The following TTC7A variants were observed in gnomAD, a reference collection of about 807,000 sequenced individuals.
TTC7A encodes the protein tetratricopeptide repeat domain 7A.
A neutral mutation model predicts 103.7 loss-of-function variants in TTC7A; 110 were observed. That is an observed-to-expected ratio of 1.06 (90% CI 0.91 to 1.24). The LOEUF (loss-of-function observed/expected upper bound fraction) is 1.24, where lower values mean the gene tolerates loss of function less well. TTC7A is among the 50% of genes most tolerant of loss of function. TTC7A has a pLI of 0.00. For missense variants in TTC7A, 1,340 were observed against 1,116.3 expected (o/e 1.20, Z -2.86); for synonymous variants, 521 against 467.9 (o/e 1.11, Z -1.47).
chr2:46,958,585 T>C, intron 3 of TTC7A: 1 of 1,293,700 alleles, frequency 7.7e-7, no homozygotes, highest in Non-Finnish European at 1.0e-6. Context: ...CGCGGGCTGC[T>C]TGGTCTCAGG....
intron 11 of TTC7A, among the ~76,000 whole-genome samples, chr2:47,019,648 G>A (rs1679065687): frequency 6.6e-6 from 1 of 152,130 alleles, no homozygotes; most frequent in Non-Finnish European, 1.5e-5. Flanking sequence ...TGATGTATAT[G>A]AACTGGAGAA....
chr2:47,026,588 G>A (rs1414420865), intron 14 of TTC7A, among the ~76,000 whole-genome samples: 1 of 152,196 alleles, frequency 6.6e-6, no homozygotes, highest in Non-Finnish European at 1.5e-5. Context: ...GGGATGGAAC[G>A]CTGACATGGA....
At chr2:47,004,213 G>T (rs977433186) in intron 8 of TTC7A, among the ~76,000 whole-genome samples, 6 of 152,216 alleles carry the variant, frequency 3.9e-5, no homozygotes, top group African/African-American at 1.4e-4. Context: ...TGGCAACAGG[G>T]CAGCCATCAG....
At chr2:47,014,131 A>G (rs564920396) in intron 11 of TTC7A, among the ~76,000 whole-genome samples, 3 of 152,200 alleles carry the variant, frequency 2.0e-5, no homozygotes, top group Non-Finnish European at 2.9e-5. Context: ...CGATGGACAC[A>G]TTCACTTGGC....
chr2:46,919,658 C>G (rs903747115), intron 2 of TTC7A, among the ~76,000 whole-genome samples: 6 of 152,210 alleles, frequency 3.9e-5, no homozygotes, highest in Non-Finnish European at 7.3e-5. Flanking sequence ...TAACAACAGT[C>G]TCTTGCTGTT....
intron 11 of TTC7A, among the ~76,000 whole-genome samples, chr2:47,018,198 AC>A (rs1373627506): frequency 2.6e-5 from 4 of 151,732 alleles, no homozygotes; most frequent in African/African-American, 9.7e-5. Flanking sequence ...AATCACTTGA[AC>A]CTGGGAGGCA....
In TTC7A at chr2:46,994,495, C is replaced by T; in HGVS notation, c.982C>T (p.His328Tyr). 1 of 1,614,024 alleles carries T rather than the reference C, an allele frequency of 6.2e-7. No homozygotes were observed. The highest frequency in any genetic ancestry group is 1.7e-4 in the Middle Eastern group (1 of 6,056). ...CGCCACTCAGGCCCTGCGGAAACCT[C>T]ACCTCTATGAAGGAGACAAGTAAGT... ...SFATQALRKP[H>Y]LYEGDNLYCP... Residue 328 changes from histidine (H) to tyrosine (Y), a missense_variant, in exon 7 of 20, where the codon CAC becomes TAC. Coordinates refer to ENST00000319190, the MANE Select transcript of TTC7A (RefSeq NM_020458.4).
At chr2:47,072,236 G>A (rs531874784) in intron 19 of TTC7A, among the ~76,000 whole-genome samples, 41 of 152,150 alleles carry the variant, frequency 2.7e-4, no homozygotes, top group Non-Finnish European at 4.7e-4. Flanking sequence ...GCTCCACCCC[G>A]CCTGCAGCCA....
intron 2 of TTC7A, among the ~76,000 whole-genome samples, chr2:46,953,400 T>A (rs566544917): frequency 3.3e-5 from 5 of 152,306 alleles, no homozygotes; most frequent in South Asian, 2.1e-4. Context: ...AGCAGTCCTG[T>A]CACCTGTGCC....
chr2:47,034,163 C>A (rs1203772099), intron 15 of TTC7A: 1 of 152,230 alleles, frequency 6.6e-6, no homozygotes, highest in African/African-American at 2.4e-5. Context: ...ATAAACCTCG[C>A]ACGGTGGGAA....
intron 2 of TTC7A, among the ~76,000 whole-genome samples, chr2:46,921,330 A>T (rs1278127030): frequency 6.6e-6 from 1 of 152,242 alleles, no homozygotes; most frequent in Non-Finnish European, 1.5e-5. Context: ...AGGATACATT[A>T]TACAATTAAT....
At chr2:47,008,912 A>G (rs1420854199) in intron 10 of TTC7A, among the ~76,000 whole-genome samples, 1 of 152,060 alleles carries the variant, frequency 6.6e-6, no homozygotes, top group Non-Finnish European at 1.5e-5. Context: ...ACAAAAAAAA[A>G]AAAAGCTGCT....
At chr2:47,042,074 G>T (rs909873397) in intron 15 of TTC7A, among the ~76,000 whole-genome samples, 1 of 152,144 alleles carries the variant, frequency 6.6e-6, no homozygotes, top group Non-Finnish European at 1.5e-5. Flanking sequence ...ACAAGTTATA[G>T]GAGGGTGACA....
intron 11 of TTC7A, among the ~76,000 whole-genome samples, chr2:47,020,364 A>G (rs575714287): frequency 1.4e-4 from 21 of 152,228 alleles, no homozygotes; most frequent in African/African-American, 4.8e-4. Context: ...GACAGATCTT[A>G]GCATCTATAG....
At chr2:47,033,275 T>C (rs1680759273) in intron 15 of TTC7A, among the ~76,000 whole-genome samples, 1 of 152,270 alleles carries the variant, frequency 6.6e-6, no homozygotes, top group African/African-American at 2.4e-5. Flanking sequence ...CCCTTTGTCC[T>C]GACCTCATCG....
chr2:46,963,079 C>G (rs1672530743), intron 3 of TTC7A, among the ~76,000 whole-genome samples: 1 of 152,228 alleles, frequency 6.6e-6, no homozygotes, highest in Admixed American at 6.5e-5. Context: ...CCACCCCTGG[C>G]TCTCTCGCAG....
At chr2:46,946,118 C>T (rs978105260) in intron 1 of TTC7A, among the ~76,000 whole-genome samples, 4 of 152,132 alleles carry the variant, frequency 2.6e-5, no homozygotes, top group Admixed American at 1.3e-4. Context: ...AAGGTGGGCA[C>T]TGAGGCCTTC....
At position 46,966,677 on chromosome 2, in the gene TTC7A, G is replaced by A. The variant is rs550330911; in HGVS notation, c.518-8296G>A. ...ATACATCACTTTTTTTTTTTTTTTG[G>A]TGGAGATGGGGTCTATGTTGCAAGG... On this transcript the variant is annotated intron_variant, in intron 3 of 19. Transcript: ENST00000319190. Among the ~76,000 whole-genome samples, 4 of 144,544 alleles carry A rather than the reference G, an allele frequency of 2.8e-5. 1 individual carries two copies. The South Asian group carries it at 8.7e-4, about 31-fold the overall frequency. 94.8% of individuals were successfully genotyped at this position (144,544 alleles called of 152,430 possible).
intron 8 of TTC7A, among the ~76,000 whole-genome samples, chr2:46,997,979 A>G (rs1226007401): frequency 6.6e-6 from 1 of 152,036 alleles, no homozygotes; most frequent in African/African-American, 2.4e-5. Context: ...TTTCCTGAGT[A>G]TGCGATCTCC....
Sources: gnomAD v4.1 joint callset for allele counts (sites outside exome capture counted in the v4.1 genomes callset) on GRCh38, gnomAD v4.1.1 for gene constraint, MANE v1.5 for transcripts, NCBI Gene and HGNC (gene_info 2026-07-23, HGNC 2026-07-21) for gene names.